The following FAM13C variants were observed in gnomAD, a reference collection of about 807,000 sequenced individuals.
The protein encoded by FAM13C is protein FAM13C.
FAM13C carries 37 observed loss-of-function variants against 73.2 expected under a neutral mutation model. That is an observed-to-expected ratio of 0.51 (90% CI 0.39 to 0.67). FAM13C has a LOEUF of 0.67. Among genes scored for constraint, FAM13C ranks in the 30% least tolerant of loss-of-function variants. The pLI is 0.00. For synonymous variants in FAM13C, 246 were observed against 260.9 expected (o/e 0.94, Z 0.55); for missense variants, 589 against 715.6 (o/e 0.82, Z 2.02).
At chr10:59,346,180 T>C (rs1406159332) in intron 3 of FAM13C, among the ~76,000 whole-genome samples, 3 of 135,578 alleles carry the variant, frequency 2.2e-5, no homozygotes, top group African/African-American at 8.0e-5. Context: ...ATTGAAAACA[T>C]AATCTTAGTT....
chr10:59,302,711 T>C (rs541943916), intron 5 of FAM13C, 90 bp downstream of exon 5: 370 of 1,231,152 alleles, frequency 3.0e-4, no homozygotes, highest in Non-Finnish European at 4.1e-4. Context: ...TAAGTTTTCA[T>C]GAGAATGAAT....
chr10:59,249,319 G>GTGTGAAC (rs1554803885), intron 13 of FAM13C, among the ~76,000 whole-genome samples: 29 of 150,538 alleles, frequency 1.9e-4, no homozygotes, highest in Non-Finnish European at 3.7e-4. Flanking sequence ...CAGGAGAATG[G>GTGTGAAC]CGTGAACCCA....
chr10:59,362,326 G>A, intron 1 of FAM13C, 73 bp downstream of exon 1: 2 of 1,568,564 alleles, frequency 1.3e-6, no homozygotes, highest in South Asian at 2.3e-5. Flanking sequence ...TGGGAACGGT[G>A]GAGGATACCT....
chr10:59,304,627 T>C (rs1472247510), intron 4 of FAM13C, among the ~76,000 whole-genome samples: 1 of 151,362 alleles, frequency 6.6e-6, no homozygotes, highest in Admixed American at 6.6e-5. Context: ...AGGGAGAGGA[T>C]CAGGAAAAAA....
At chr10:59,348,767 C>T (rs1267228737) in intron 3 of FAM13C, among the ~76,000 whole-genome samples, 1 of 152,134 alleles carries the variant, frequency 6.6e-6, no homozygotes, top group Admixed American at 6.5e-5. Flanking sequence ...TCCCGAGTAG[C>T]TGGGACTATA....
intron 4 of FAM13C, among the ~76,000 whole-genome samples, chr10:59,307,933 T>C (rs1205673631): frequency 1.3e-5 from 2 of 152,140 alleles, no homozygotes; most frequent in Non-Finnish European, 2.9e-5. Flanking sequence ...CAATGAATGA[T>C]GGAGAACTGG....
intron 13 of FAM13C, among the ~76,000 whole-genome samples, chr10:59,249,240 T>TA (rs1841076803): frequency 6.6e-6 from 1 of 151,768 alleles, no homozygotes; most frequent in Admixed American, 6.6e-5. Flanking sequence ...CTGTCTCTAC[T>TA]AAAAATATAA....
intron 6 of FAM13C, among the ~76,000 whole-genome samples, chr10:59,280,497 G>A (rs1564518116): frequency 6.6e-6 from 1 of 152,206 alleles, no homozygotes; most frequent in African/African-American, 2.4e-5. Flanking sequence ...GTACAGCAGA[G>A]TCAGACAGAA....
intron 12 of FAM13C, among the ~76,000 whole-genome samples, 189 bp downstream of exon 12, chr10:59,252,610 G>T (rs1376240618): frequency 6.6e-6 from 1 of 152,060 alleles, no homozygotes; most frequent in African/African-American, 2.4e-5. Flanking sequence ...CAAGTCATTT[G>T]CTTACTACCA....
At chr10:59,250,237 CCAGA>C (rs931450593) in intron 13 of FAM13C, among the ~76,000 whole-genome samples, 4 of 151,926 alleles carry the variant, frequency 2.6e-5, no homozygotes, top group Non-Finnish European at 4.4e-5. Flanking sequence ...AGCAGACAGT[CCAGA>C]CAGACAAAGT....
chr10:59,252,868 A>G lies in FAM13C; in HGVS notation c.1463T>C (p.Leu488Pro), dbSNP rs1841529004. ...TACTTCTTTCTTTTCATCTGGTAAA[A>G]GGGCCCTAACAGGCTCAGTCTCATT... ...YSNETEPVRA[L>P]LPDEKKEVKP... Residue 488 changes from leucine to proline, a missense_variant, in exon 12 of 14, where the codon CTT becomes CCT. Physicochemically the swap from Leu to Pro is moderately conservative, Grantham distance 98 (BLOSUM62 -3). Transcript: ENST00000618804. The G allele has an allele frequency of 6.2e-7, 1 of 1,614,108 alleles. No individual in the cohort carries two copies. The highest frequency in any genetic ancestry group is 8.5e-7 in the Non-Finnish European group (1 of 1,179,992).
Position 59,283,189 on chromosome 10 carries a change from C to G in FAM13C, c.592+174G>C, listed in dbSNP as rs920431734. On this transcript the variant is annotated intron_variant, in intron 6 of 13. Transcript: ENST00000618804. ...AGACAGGTCTATGTTATAGCAAATC[C>G]CAATCCTTCCTGCTCCCCCTCAGCA... Among the ~76,000 whole-genome samples, 4 of 152,246 alleles carry G rather than the reference C, an allele frequency of 2.6e-5. No individual in the cohort carries two copies. In the South Asian group the frequency reaches 6.2e-4, roughly 24 times the overall value.
rs77011603 is a variant in FAM13C at position 59,331,598 on chromosome 10, C to T, written c.325-7492G>A. Among the ~76,000 whole-genome samples the T allele has an allele frequency of 4.4e-3, 676 of 152,124 alleles. 22 individuals are homozygous for T. In the South Asian group the frequency reaches 0.061, roughly 14 times the overall value. ...TAAGTAAGGCATGTTCAGATTTGCA[C>T]TGGAATAAATCTTCTTGGGCTTGTG... On this transcript the variant is annotated intron_variant, in intron 3 of 13. Transcript: ENST00000618804.
chr10:59,361,255 G>T, intron 1 of FAM13C: 2 of 400,134 alleles, frequency 5.0e-6, no homozygotes, highest in Non-Finnish European at 9.0e-6. Flanking sequence ...CTCAAAACTG[G>T]ACACTAAAGG....
chr10:59,348,732 G>A (rs1020346687), intron 3 of FAM13C, among the ~76,000 whole-genome samples: 3 of 151,986 alleles, frequency 2.0e-5, no homozygotes, highest in Non-Finnish European at 4.4e-5. Flanking sequence ...TCTGCCTCCC[G>A]GGTTCAAGGA....
intron 13 of FAM13C, among the ~76,000 whole-genome samples, chr10:59,250,298 A>G (rs1179033043): frequency 6.6e-6 from 1 of 152,348 alleles, no homozygotes; most frequent in African/African-American, 2.4e-5. Context: ...TGAACATTTT[A>G]TAAAAGAAAA....
chr10:59,356,969 C>T (rs956388658), intron 1 of FAM13C, among the ~76,000 whole-genome samples: 1 of 152,170 alleles, frequency 6.6e-6, no homozygotes, highest in Non-Finnish European at 1.5e-5. Flanking sequence ...CTTTGAACAT[C>T]AGACTCTAAG....
At chr10:59,299,505 A>G (rs527453754) in intron 5 of FAM13C, among the ~76,000 whole-genome samples, 1 of 141,948 alleles carries the variant, frequency 7.0e-6, no homozygotes, top group South Asian at 2.2e-4. Context: ...TGAGGACCCA[A>G]TATGGCTTTT....
At position 59,337,297 on chromosome 10, in the gene FAM13C, T is replaced by G. The variant is rs1192972523; in HGVS notation, c.325-13191A>C. Among the ~76,000 whole-genome samples the G allele has an allele frequency of 3.3e-5, 5 of 152,214 alleles. No individual in the cohort carries two copies. In the East Asian group the frequency reaches 9.6e-4, roughly 29 times the overall value. On this transcript the variant is annotated intron_variant, in intron 3 of 13. Transcript: ENST00000618804. ...ATCTTCTATAGGGCTTGGAGACCCT[T>G]AGAGTGCAGGCACTGGCAGACTTCC...
Sources: allele counts gnomAD v4.1 joint callset (sites outside exome capture counted in the v4.1 genomes callset), GRCh38; gene constraint gnomAD v4.1.1; transcripts MANE v1.5; gene names NCBI Gene and HGNC (gene_info 2026-07-23, HGNC 2026-07-21).